Variants in TMPRSS7 observed in about 807,000 individuals in gnomAD.
TMPRSS7 encodes the protein transmembrane protease serine 7.
Under a neutral mutation model 95.6 loss-of-function variants are expected in TMPRSS7, and 81 were observed. The ratio of observed to expected loss-of-function variants is 0.85; its 90% CI spans 0.71 to 1.02. TMPRSS7 has a LOEUF of 1.02. TMPRSS7 is among the 50% of genes least tolerant of loss of function. The pLI is 0.00. For synonymous variants in TMPRSS7, 364 were observed against 337.8 expected, an observed-to-expected ratio of 1.08 and a Z score of -0.85; for missense variants, 945 against 955.2, an observed-to-expected ratio of 0.99 and a Z score of 0.14.
At chr3:112,062,718 G>GT (rs1158030940) in intron 11 of TMPRSS7, among the ~76,000 whole-genome samples, 17 of 152,070 alleles carry the variant, frequency 1.1e-4, no homozygotes, top group African/African-American at 3.9e-4. Flanking sequence ...ATTTTTAATT[G>GT]TTTTTTTAAA....
chr3:112,063,984 G>A (rs1378102526), intron 12 of TMPRSS7, among the ~76,000 whole-genome samples: 1 of 152,206 alleles, frequency 6.6e-6, no homozygotes, highest in Admixed American at 6.5e-5. Flanking sequence ...GGGGAGAGCA[G>A]CAGCACATGG....
At chr3:112,074,008 A>T (rs963847093) in intron 13 of TMPRSS7, among the ~76,000 whole-genome samples, 3 of 152,242 alleles carry the variant, frequency 2.0e-5, no homozygotes, top group African/African-American at 7.2e-5. Flanking sequence ...GCCTAAAGCC[A>T]CTGATATGTC....
Position 112,053,078 on chromosome 3 carries a change from CTGTTCCTTTTCAGAAAG to C in TMPRSS7, c.1203+2296_1203+2312del, listed in dbSNP as rs2073382545. ...TCCTCAGTGTAGAGGTTAAATAAAA[CTGTTCCTTTTCAGAAAG>C]CTTTGAAAACATCAGGGCATGTTAC... On this transcript the variant is annotated intron_variant, in intron 9 of 17. Transcript: ENST00000452346. 5.3e-5 allele frequency among the ~76,000 whole-genome samples: 8 copies of C among 152,040 alleles called. No homozygotes were observed. In the South Asian group the frequency reaches 1.7e-3, roughly 32 times the overall value.
At chr3:112,068,449 T>C (rs972514137) in intron 13 of TMPRSS7, among the ~76,000 whole-genome samples, 6 of 152,234 alleles carry the variant, frequency 3.9e-5, no homozygotes, top group African/African-American at 1.4e-4. Flanking sequence ...ATTCTTCCTA[T>C]CCATGAGCAT....
chr3:112,059,977 T>A (rs2073479147), intron 10 of TMPRSS7, among the ~76,000 whole-genome samples: 1 of 152,162 alleles, frequency 6.6e-6, no homozygotes, highest in South Asian at 2.1e-4. Flanking sequence ...TTCTTTTCTA[T>A]TTTCCCTAAG....
At chr3:112,051,668 C>CTAACTATCTATCT (rs61097993) in intron 9 of TMPRSS7, among the ~76,000 whole-genome samples, 1 of 127,998 alleles carries the variant, frequency 7.8e-6, no homozygotes, top group Non-Finnish European at 1.6e-5. Flanking sequence ...ATCTATCTAT[C>CTAACTATCTATCT]ATCTATCTAT....
intron 11 of TMPRSS7, among the ~76,000 whole-genome samples, chr3:112,062,336 G>C (rs1398167995): frequency 4.6e-5 from 7 of 152,176 alleles, no homozygotes; most frequent in Non-Finnish European, 7.3e-5. Flanking sequence ...GTTTGCACAG[G>C]AAGAGCTGTT....
exon 2 of TMPRSS7, chr3:112,038,178 A>C: frequency 1.4e-6 from 1 of 702,748 alleles, no homozygotes; most frequent in Non-Finnish European, 2.6e-6. Context: ...CGACCACCAC[A>C]AAGACCCATT....
chr3:112,057,347 C>A (rs964913422), intron 10 of TMPRSS7, among the ~76,000 whole-genome samples: 2 of 152,232 alleles, frequency 1.3e-5, no homozygotes, highest in African/African-American at 4.8e-5. Context: ...CCACTGCTCT[C>A]TGCTGCTGGG....
intron 17 of TMPRSS7, among the ~76,000 whole-genome samples, chr3:112,080,579 A>ACCAC (rs780590559): frequency 6.7e-6 from 1 of 149,008 alleles, no homozygotes; most frequent in African/African-American, 2.6e-5. Flanking sequence ...TATTACCACC[A>ACCAC]CCACCACCAC....
rs552015169 is a variant in TMPRSS7, at chr3:112,079,773, C to T, written c.2361+895C>T. The stretch of plus-strand genomic sequence containing the variant: ...TGAGCTCCTATTTTGTGGCAAGCAC[C>T]GTGCTAGGTTCTTTACATAAATTCA... On this transcript the variant is annotated intron_variant, in intron 17 of 17. Coordinates refer to ENST00000452346, the Ensembl canonical transcript of TMPRSS7. Among the ~76,000 whole-genome samples the T allele has an allele frequency of 1.2e-4, 19 of 152,194 alleles. No homozygotes were observed. The South Asian group carries it at 2.5e-3, about 20-fold the overall frequency.
chr3:112,068,545 T>C (rs942555518), intron 13 of TMPRSS7, among the ~76,000 whole-genome samples: 3 of 152,348 alleles, frequency 2.0e-5, no homozygotes, highest in African/African-American at 7.2e-5. Context: ...TTCACATCCC[T>C]TGTAAGCTGG....
chr3:112,041,597 A>G (rs539080671), intron 2 of TMPRSS7, among the ~76,000 whole-genome samples: 2 of 152,292 alleles, frequency 1.3e-5, no homozygotes, highest in South Asian at 4.1e-4. Flanking sequence ...GAGAGCCCAT[A>G]AAGGAGACAG....
chr3:112,052,463 T>C (rs1453875782), intron 9 of TMPRSS7, among the ~76,000 whole-genome samples: 1 of 151,968 alleles, frequency 6.6e-6, no homozygotes, highest in Admixed American at 6.6e-5. Flanking sequence ...ATGGCATGTG[T>C]CCTTAAATTT....
At chr3:112,050,590 G>T in intron 8 of TMPRSS7, 81 bp from the exon 9 acceptor site, 3 of 484,034 alleles carry the variant, frequency 6.2e-6, no homozygotes, top group East Asian at 4.7e-5. Flanking sequence ...GTGTGCCTTA[G>T]TAATTAAAGA....
chr3:112,072,838 C>G (rs1247311467), intron 13 of TMPRSS7, among the ~76,000 whole-genome samples: 1 of 152,224 alleles, frequency 6.6e-6, no homozygotes, highest in Non-Finnish European at 1.5e-5. Context: ...GGGTTGGTTC[C>G]AAATCTTTGC....
chr3:112,050,820 C>A (rs1203283735), intron 9 of TMPRSS7, 37 bp downstream of exon 9: 1 of 1,084,486 alleles, frequency 9.2e-7, no homozygotes, highest in Non-Finnish European at 1.4e-6. Flanking sequence ...AAAAATATTA[C>A]TGCTCTATTT....
chr3:112,044,296 T>C (rs1395705076), exon 4 of TMPRSS7: 10 of 1,551,458 alleles, frequency 6.4e-6, no homozygotes, highest in Middle Eastern at 1.7e-4. Context: ...CCAAATTTTA[T>C]GAGCAGTCTG....
chr3:112,038,153 C>T (rs755110949), exon 2 of TMPRSS7: 53 of 702,776 alleles, frequency 7.5e-5, no homozygotes, highest in Middle Eastern at 4.6e-4. Flanking sequence ...GAGACGACTA[C>T]CATTGCCAGG....
Sources: allele counts gnomAD v4.1 joint callset (sites outside exome capture counted in the v4.1 genomes callset), GRCh38; gene constraint gnomAD v4.1.1; transcripts MANE v1.5; gene names NCBI Gene and HGNC (gene_info 2026-07-23, HGNC 2026-07-21).